Variants in CCNH observed in about 807,000 individuals in gnomAD.
CCNH encodes the protein cyclin H.
In CCNH, 31 loss-of-function variants were observed where a neutral mutation model predicts 41.9. The observed-to-expected ratio is 0.74, with a 90% CI of 0.56 to 1.00. CCNH has a LOEUF of 1.00. Among genes scored for constraint, CCNH ranks in the 50% least tolerant of loss-of-function variants. CCNH has a pLI of 0.00. For synonymous variants in CCNH, 138 were observed against 136.1 expected (o/e 1.01, Z -0.10); for missense variants, 362 against 388.4 (o/e 0.93, Z 0.57).
chr5:87,409,575 C>T (rs908608049), intron 2 of CCNH, among the ~76,000 whole-genome samples: 1 of 151,998 alleles, frequency 6.6e-6, no homozygotes, highest in Non-Finnish European at 1.5e-5. Context: ...CTTTGCTTGT[C>T]TATCCCCAGC....
At chr5:87,390,474 TA>T (rs1762422147), downstream of CCNH, among the ~76,000 whole-genome samples, 1 of 151,546 alleles carries the variant, frequency 6.6e-6, no homozygotes, top group South Asian at 2.1e-4. Flanking sequence ...TGACTTGCCT[TA>T]GATATTAAAT....
chr5:87,346,828 A>T (rs1758898705), intron 9 of CCNH: 1 of 821,162 alleles, frequency 1.2e-6, no homozygotes, highest in African/African-American at 1.7e-5. Flanking sequence ...GTTAGTGTTT[A>T]TGCATGTTAT....
chr5:87,393,145 T>A (rs1329671052), downstream of CCNH, among the ~76,000 whole-genome samples: 1 of 151,786 alleles, frequency 6.6e-6, no homozygotes, highest in African/African-American at 2.4e-5. Flanking sequence ...AATATGCATA[T>A]AGTAAGTATT....
chr5:87,331,314 T>A, intron 9 of CCNH: 2 of 1,564,362 alleles, frequency 1.3e-6, no homozygotes, highest in Non-Finnish European at 1.8e-6. Flanking sequence ...CACTTGCTAT[T>A]TATATTGTAA....
upstream of CCNH, chr5:87,380,647 G>C (rs757932550): frequency 1.4e-6 from 2 of 1,448,086 alleles, no homozygotes; most frequent in East Asian, 4.6e-5. Flanking sequence ...GTGGATAATT[G>C]TGAAAAATTG....
intron 1 of CCNH, among the ~76,000 whole-genome samples, chr5:87,412,118 C>T (rs1019437386): frequency 7.2e-5 from 11 of 152,148 alleles, no homozygotes; most frequent in African/African-American, 2.2e-4. Flanking sequence ...AGGTTAGCTT[C>T]CCATTTTAAA....
intron 9 of CCNH, among the ~76,000 whole-genome samples, chr5:87,383,220 A>G (rs1030262052): frequency 2.0e-5 from 3 of 152,222 alleles, no homozygotes; most frequent in African/African-American, 7.2e-5. Flanking sequence ...ATCATCAACA[A>G]AATCAATGCA....
downstream of CCNH, chr5:87,390,772 A>C (rs1762455698): frequency 1.3e-6 from 2 of 1,580,040 alleles, no homozygotes; most frequent in East Asian, 4.5e-5. Context: ...GCTTTCATTT[A>C]TTTTCATACC....
chr5:87,343,353 A>G (rs1758617546), intron 9 of CCNH, among the ~76,000 whole-genome samples: 1 of 152,156 alleles, frequency 6.6e-6, no homozygotes, highest in African/African-American at 2.4e-5. Context: ...GTAACCTCCA[A>G]GTTGATCTCC....
intron 9 of CCNH, among the ~76,000 whole-genome samples, chr5:87,357,190 T>A (rs1397766088): frequency 6.6e-6 from 1 of 152,134 alleles, no homozygotes; most frequent in East Asian, 1.9e-4. Flanking sequence ...CGCAGAGTAA[T>A]TGGAAGAGAA....
At chr5:87,321,778 G>C (rs560038967) in intron 9 of CCNH, among the ~76,000 whole-genome samples, 1 of 152,248 alleles carries the variant, frequency 6.6e-6, no homozygotes, top group South Asian at 2.1e-4. Flanking sequence ...AGTCCTTTTG[G>C]TTTTTTATGG....
upstream of CCNH, chr5:87,380,701 A>G (rs1311188628): frequency 9.5e-7 from 1 of 1,055,752 alleles, no homozygotes; most frequent in Admixed American, 1.8e-5. Flanking sequence ...TTTGGCTTTT[A>G]TGTCAAAGCC....
exon 1 of CCNH, chr5:87,376,550 C>A: frequency 6.2e-7 from 1 of 1,613,656 alleles, no homozygotes; most frequent in Non-Finnish European, 8.5e-7. Flanking sequence ...AAGAAGAGTA[C>A]AGTGAATTTA....
intron 7 of CCNH, 32 bp downstream of exon 7, chr5:87,399,362 G>A: frequency 7.0e-7 from 1 of 1,436,854 alleles, no homozygotes; most frequent in East Asian, 2.3e-5. Flanking sequence ...TAACAGTTAT[G>A]TCTATTGATT....
At chr5:87,375,222 T>A (rs1481380024), downstream of CCNH, among the ~76,000 whole-genome samples, 2 of 152,122 alleles carry the variant, frequency 1.3e-5, no homozygotes, top group Non-Finnish European at 2.9e-5. Flanking sequence ...TTTGTAGGGC[T>A]TGCCCTCATC....
At chr5:87,375,063 TATTG>T (rs1761229529), downstream of CCNH, 2 of 1,138,246 alleles carry the variant, frequency 1.8e-6, no homozygotes, top group South Asian at 1.6e-5. Flanking sequence ...CTTCTTAAAG[TATTG>T]ATTATCAAGA....
chr5:87,363,987 A>C (rs760367160), intron 9 of CCNH, among the ~76,000 whole-genome samples: 14 of 152,166 alleles, frequency 9.2e-5, no homozygotes, highest in Non-Finnish European at 1.6e-4. Flanking sequence ...GAAACAATGA[A>C]TATAAATGTA....
At chr5:87,390,995 AGTGAT>A (rs1762473707), downstream of CCNH, 1 of 1,074,224 alleles carries the variant, frequency 9.3e-7, no homozygotes, top group African/African-American at 1.6e-5. Flanking sequence ...TCCACATTCC[AGTGAT>A]GTGTGAGCTA....
chr5:87,395,185 A>G, intron 7 of CCNH, 81 bp from the exon 8 acceptor site: 1 of 1,209,048 alleles, frequency 8.3e-7, no homozygotes, highest in East Asian at 2.4e-5. Flanking sequence ...GCAAGGCTAT[A>G]GGCAATATCA....
Sources: allele counts gnomAD v4.1 joint callset (sites outside exome capture counted in the v4.1 genomes callset), GRCh38; gene constraint gnomAD v4.1.1; transcripts MANE v1.5; gene names NCBI Gene and HGNC (gene_info 2026-07-23, HGNC 2026-07-21).